The following SV2C variants were observed in gnomAD, a reference collection of about 807,000 sequenced individuals.
SV2C encodes synaptic vesicle glycoprotein 2C.
A neutral mutation model predicts 79.7 loss-of-function variants in SV2C; 49 were observed. The observed-to-expected ratio is 0.61, with a 90% CI of 0.49 to 0.78. The LOEUF is 0.78. SV2C is among the 30% of genes least tolerant of loss of function. SV2C has a pLI of 0.00. For synonymous variants in SV2C, 334 were observed against 333.2 expected (o/e 1.00, Z -0.03); for missense variants, 833 against 912.9 (o/e 0.91, Z 1.13).
chr5:76,007,103 C>T, the SV2C span, among the ~76,000 whole-genome samples: 233 of 152,172 alleles, frequency 1.5e-3, 1 homozygote, highest in African/African-American at 5.4e-3. Flanking sequence ...ACACAGCCAG[C>T]GAGTGTCAGA....
At chr5:75,984,684 A>G in the SV2C span, among the ~76,000 whole-genome samples, 1 of 152,038 alleles carries the variant, frequency 6.6e-6, no homozygotes, top group African/African-American at 2.4e-5. Flanking sequence ...TAGACAAGAA[A>G]TTGGCTTATG....
At chr5:76,351,402 C>G (rs541660773) in intron 12 of SV2C, among the ~76,000 whole-genome samples, 21 of 151,888 alleles carry the variant, frequency 1.4e-4, no homozygotes, top group Non-Finnish European at 2.8e-4. Flanking sequence ...GAGCCATGAT[C>G]GCACCACTGC....
At chr5:76,113,921 T>A (rs1018614269) in intron 1 of SV2C, among the ~76,000 whole-genome samples, 4 of 150,404 alleles carry the variant, frequency 2.7e-5, no homozygotes, top group Non-Finnish European at 4.4e-5. Context: ...CCCACAATCA[T>A]ACACACACAC....
chr5:76,152,612 A>C (rs1749638229), intron 2 of SV2C, among the ~76,000 whole-genome samples: 1 of 152,192 alleles, frequency 6.6e-6, no homozygotes, highest in Non-Finnish European at 1.5e-5. Context: ...TAGCAATTAT[A>C]ATGTGGTACA....
chr5:75,913,407 C>A, the SV2C span, among the ~76,000 whole-genome samples: 1 of 152,128 alleles, frequency 6.6e-6, no homozygotes, highest in Non-Finnish European at 1.5e-5. Context: ...GCAAGTTGAG[C>A]CTCAGGGTCC....
the SV2C span, among the ~76,000 whole-genome samples, chr5:75,929,662 G>A: frequency 6.6e-6 from 1 of 151,934 alleles, no homozygotes; most frequent in Non-Finnish European, 1.5e-5. Flanking sequence ...TAATTTTATT[G>A]TAAGTTTTGT....
chr5:76,300,706 T>A (rs1412282708), intron 10 of SV2C, 23 bp from the exon 11 acceptor site: 1 of 1,609,646 alleles, frequency 6.2e-7, no homozygotes, highest in South Asian at 1.1e-5. Flanking sequence ...CTTGATGAAT[T>A]GTCTTTGTTG....
At chr5:75,985,126 A>C in the SV2C span, among the ~76,000 whole-genome samples, 5 of 152,070 alleles carry the variant, frequency 3.3e-5, no homozygotes, top group African/African-American at 1.2e-4. Flanking sequence ...AGGCAAGCAG[A>C]AGAGGAGCAG....
the SV2C span, among the ~76,000 whole-genome samples, chr5:75,896,379 C>T: frequency 6.6e-6 from 1 of 151,802 alleles, no homozygotes; most frequent in Non-Finnish European, 1.5e-5. Flanking sequence ...CATGTCCCTA[C>T]AAAGGACGTG....
the SV2C span, among the ~76,000 whole-genome samples, chr5:75,932,835 T>A: frequency 6.6e-6 from 1 of 152,244 alleles, no homozygotes; most frequent in Non-Finnish European, 1.5e-5. Flanking sequence ...GGCCTGTTTA[T>A]GACAGGCTTA....
At chr5:75,854,811 T>C in the SV2C span, among the ~76,000 whole-genome samples, 1 of 152,196 alleles carries the variant, frequency 6.6e-6, no homozygotes, top group African/African-American at 2.4e-5. Flanking sequence ...GTTTTTCCTA[T>C]GCTCTCTTCT....
chr5:76,149,941 GC>G (rs1000082524), intron 2 of SV2C, among the ~76,000 whole-genome samples: 75 of 152,274 alleles, frequency 4.9e-4, no homozygotes, highest in African/African-American at 1.8e-3. Flanking sequence ...TTCCCTCCTA[GC>G]TGCATGAAAT....
chr5:76,312,819 C>A (rs1348605245), intron 12 of SV2C, among the ~76,000 whole-genome samples: 2 of 152,216 alleles, frequency 1.3e-5, no homozygotes, highest in Non-Finnish European at 2.9e-5. Context: ...TTGTTCACAC[C>A]TGCCGATCCC....
rs1318865930 is a variant in SV2C at position 76,327,710 on chromosome 5, C to T, written c.*2163C>T. ...GTACATGGGCATCGCTGTCTCTAGTCCTCTGTGATAGTTCACTTTGCTAAC... is the reference window on the plus strand; with the variant it reads ...GTACATGGGCATCGCTGTCTCTAGTTCTCTGTGATAGTTCACTTTGCTAAC... On this transcript the variant is annotated 3_prime_UTR_variant, in exon 13 of 13. Transcript: ENST00000502798. 6.6e-6 allele frequency: 1 copy of T among 152,210 alleles called. No homozygotes were observed. Among genetic ancestry groups the T allele is most frequent in the South Asian group, 2.1e-4 (1 of 4,826 alleles). 9.4% of individuals were successfully genotyped at this position (152,210 alleles called of 1,614,324 possible).
the SV2C span, among the ~76,000 whole-genome samples, chr5:76,012,386 T>C: frequency 1.3e-5 from 2 of 152,368 alleles, no homozygotes; most frequent in African/African-American, 4.8e-5. Flanking sequence ...ATCATATGTT[T>C]GTTGGCCACA....
intron 1 of SV2C, among the ~76,000 whole-genome samples, chr5:76,114,075 C>T (rs80031746): frequency 0.02 from 3,012 of 152,300 alleles, 111 homozygotes; most frequent in African/African-American, 0.062. Flanking sequence ...CTCCAGTTCT[C>T]ATGCTTTGCA....
At chr5:76,022,258 C>G in the SV2C span, among the ~76,000 whole-genome samples, 1 of 152,196 alleles carries the variant, frequency 6.6e-6, no homozygotes. Flanking sequence ...GTCAAAGTAT[C>G]TTCCCAAGTA....
the SV2C span, among the ~76,000 whole-genome samples, chr5:76,024,973 C>A: frequency 6.6e-6 from 1 of 152,134 alleles, no homozygotes; most frequent in Admixed American, 6.6e-5. Flanking sequence ...AAATGCAGAG[C>A]AGAGATAGAC....
the SV2C span, among the ~76,000 whole-genome samples, chr5:75,883,106 G>A: frequency 5.6e-5 from 8 of 144,094 alleles, no homozygotes; most frequent in Non-Finnish European, 1.0e-4. Flanking sequence ...ACCATCACTG[G>A]CCATCAGAGA....
Sources: gnomAD v4.1 joint callset for allele counts (sites outside exome capture counted in the v4.1 genomes callset) on GRCh38, gnomAD v4.1.1 for gene constraint, MANE v1.5 for transcripts, NCBI Gene and HGNC (gene_info 2026-07-23, HGNC 2026-07-21) for gene names.